The following LGALS3BP variants were observed in gnomAD, a reference collection of about 807,000 sequenced individuals.
LGALS3BP encodes the protein galectin 3 binding protein.
LGALS3BP carries 25 observed loss-of-function variants against 22.9 expected under a neutral mutation model. That is an observed-to-expected ratio of 1.09 (90% confidence interval 0.80 to 1.53). LGALS3BP has a LOEUF of 1.53. Among genes scored for constraint, LGALS3BP ranks in the 40% most tolerant of loss-of-function variants. The pLI, the probability that LGALS3BP is intolerant of heterozygous loss-of-function variation, is 0.00. For missense variants in LGALS3BP, 718 were observed against 752.0 expected, an observed-to-expected ratio of 0.95 and a Z score of 0.53; for synonymous variants, 335 against 331.1, an observed-to-expected ratio of 1.01 and a Z score of -0.13.
rs1174585705 is a variant in LGALS3BP, at chr17:78,973,224, T to C, written c.377-2A>G. On this transcript the variant is annotated splice_acceptor_variant, in intron 4 of 5. Transcript: ENST00000262776. LOFTEE classifies it high-confidence loss of function. This position sits in a 1 kb window ranked among gnomAD's most constrained non-coding sequence, Gnocchi z 5.8. ...CCAGGGTGTGGGTGCTCCTGGTTTC[T>C]AAGAAGGGGCGGGAGGGAAGTGGGC... 2.0e-6 allele frequency: 3 copies of C among 1,527,374 alleles called. No individual in the cohort carries two copies. Among genetic ancestry groups the C allele is most frequent in the Non-Finnish European group, 2.6e-6 (3 of 1,134,964 alleles). The allele number at this position is 1,527,374 out of a possible 1,614,324, so 94.6% of individuals were successfully genotyped here.
In LGALS3BP at chr17:78,976,918, G is replaced by T; in HGVS notation, c.52+222C>A. 1 of 586,050 alleles carries T rather than the reference G, an allele frequency of 1.7e-6. No individual in the cohort carries two copies. The allele number at this position is 586,050 out of a possible 1,614,324, so 36.3% of individuals were successfully genotyped here. On this transcript the variant is annotated intron_variant, in intron 2 of 5. Transcript: ENST00000262776. The surrounding 1 kb of genome is among the most constrained non-coding windows in gnomAD (Gnocchi z 4.6). ...TGGACGGAATGGAGGATTCCCTAGT[G>T]TCCTCTCTATAACCTGCATCTCACC...
In LGALS3BP at chr17:78,972,496, G is replaced by C. The variant is rs766454763; in HGVS notation, c.838C>G (p.Leu280Val). 4 of 1,613,186 alleles carry C rather than the reference G, an allele frequency of 2.5e-6. No individual in the cohort carries two copies. In the South Asian group the frequency reaches 4.4e-5, roughly 18 times the overall value. The change falls in exon 6 of 6, where the codon CTA becomes GTA. Residue 280 changes from leucine to valine, a missense_variant. Coordinates refer to ENST00000262776, the MANE Select transcript of LGALS3BP (RefSeq NM_005567.4). The surrounding 1 kb of genome is among the most constrained non-coding windows in gnomAD (Gnocchi z 5.1). ...TCGAAGTTCCAGGCCAGGAACTGTA[G>C]GCAGAGCTTCTCCAGCAGGGCGTCC... ...TGDALLEKLCLQFLAWNFEAL... is the reference protein window; with the variant it reads ...TGDALLEKLCVQFLAWNFEAL...
Position 78,972,931 on chromosome 17 carries a change from C to A in LGALS3BP, c.629+39G>T, listed in dbSNP as rs1263698548. The A allele has an allele frequency of 6.4e-7, 1 of 1,572,680 alleles. No homozygotes were observed. Among genetic ancestry groups the A allele is most frequent in the Non-Finnish European group, 8.6e-7 (1 of 1,156,998 alleles). On this transcript the variant is annotated intron_variant, in intron 5 of 5. Transcript: ENST00000262776. The surrounding 1 kb of genome is among the most constrained non-coding windows in gnomAD (Gnocchi z 5.1). ...TTTTGAAGAGGGGAGGAGGACAAAG[C>A]CCCTGGCGGCCCCAGAGCCTGAGGA...
At chr17:78,975,178 T>C in intron 3 of LGALS3BP, among the ~76,000 whole-genome samples, 1 of 149,772 alleles carries the variant, frequency 6.7e-6, no homozygotes, top group Non-Finnish European at 1.5e-5. Context: ...CAACATCAGG[T>C]TCACATATTG....
chr17:78,976,453 G>C lies in LGALS3BP; in HGVS notation c.53-297C>G, dbSNP rs984605235. ...TGAGTTCTCCAGCACTGGGAGTGGAGGTGGCAAGACCCTGAGGGAAGGATA... is the reference window on the plus strand; with the variant it reads ...TGAGTTCTCCAGCACTGGGAGTGGACGTGGCAAGACCCTGAGGGAAGGATA... On this transcript the variant is annotated intron_variant, in intron 2 of 5. Transcript: ENST00000262776. The surrounding 1 kb of genome is among the most constrained non-coding windows in gnomAD (Gnocchi z 4.6). Among the ~76,000 whole-genome samples, 2 of 152,226 alleles carry C rather than the reference G, an allele frequency of 1.3e-5. No individual in the cohort carries two copies. Among genetic ancestry groups the C allele is most frequent in the Non-Finnish European group, 2.9e-5 (2 of 68,038 alleles).
Position 78,971,818 on chromosome 17 carries a change from G to A in LGALS3BP, c.1516C>T (p.Leu506Phe), listed in dbSNP as rs771107067. 3.0e-5 allele frequency: 48 copies of A among 1,614,140 alleles called. No homozygotes were observed. The highest frequency in any genetic ancestry group is 3.3e-4 in the Middle Eastern group (2 of 6,058). ...CSSDELPVLG[L>F]TKSGGSDRTI... is the part of the protein sequence containing the mutation. ...CGATCTGAGCCGCCAGACTTGGTGA[G>A]GCCCAGGACAGGGAGCTCGTCCGAG... Residue 506 changes from leucine to phenylalanine, a missense_variant, in exon 6 of 6, where the codon CTC (leucine) becomes TTC (phenylalanine). Transcript: ENST00000262776. The surrounding 1 kb of genome is among the most constrained non-coding windows in gnomAD (Gnocchi z 5.6).
intron 1 of LGALS3BP, among the ~76,000 whole-genome samples, chr17:78,978,018 C>T (rs374053956): frequency 3.3e-5 from 5 of 152,304 alleles, no homozygotes; most frequent in South Asian, 4.1e-4. Context: ...CTCCCTCCCC[C>T]ACACCCTGCC....
chr17:78,973,050 C>A lies in LGALS3BP; in HGVS notation c.549G>T (p.Gln183His), dbSNP rs761121182. ...TGCTGCCCGGCTCCTTCCACAGGGCCTGGGCCTCCAGGTTGGCAGTCAGGA... is the reference window on the plus strand; with the variant it reads ...TGCTGCCCGGCTCCTTCCACAGGGCATGGGCCTCCAGGTTGGCAGTCAGGA... ...TVILTANLEA[Q>H]ALWKEPGSNV... Residue 183 changes from glutamine to histidine, a missense_variant, in exon 5 of 6, where the codon CAG (glutamine) becomes CAT (histidine). By Grantham distance (24) the Gln-to-His change is conservative. Transcript: ENST00000262776. This position sits in a 1 kb window ranked among gnomAD's most constrained non-coding sequence, Gnocchi z 5.8. 1 of 1,613,926 alleles carries A rather than the reference C, an allele frequency of 6.2e-7. No homozygotes were observed. The highest frequency in any genetic ancestry group is 8.5e-7 in the Non-Finnish European group (1 of 1,179,996).
At position 78,973,380 on chromosome 17, in the gene LGALS3BP, G is replaced by A. The variant is rs368142783; in HGVS notation, c.377-158C>T. On this transcript the variant is annotated intron_variant, in intron 4 of 5. Transcript: ENST00000262776. The surrounding 1 kb of genome is among the most constrained non-coding windows in gnomAD (Gnocchi z 5.8). Reference sequence around the variant, plus strand: ...AGGGACAAGAGAGACCGGAAGTGTCGGATTCCTGGACCCTGAGGCCCCGCC... The same window carrying A: ...AGGGACAAGAGAGACCGGAAGTGTCAGATTCCTGGACCCTGAGGCCCCGCC... 6.6e-5 allele frequency: 59 copies of A among 897,978 alleles called. No individual in the cohort carries two copies. The highest frequency in any genetic ancestry group is 3.5e-4 in the Middle Eastern group (1 of 2,844). 55.6% of individuals were successfully genotyped at this position (897,978 alleles called of 1,614,324 possible).
At position 78,976,266 on chromosome 17, in the gene LGALS3BP, G is replaced by A; in HGVS notation, c.53-110C>T. 1 of 979,674 alleles carries A rather than the reference G, an allele frequency of 1.0e-6. No homozygotes were observed. The highest frequency in any genetic ancestry group is 1.5e-6 in the Non-Finnish European group (1 of 686,388). The allele number at this position is 979,674 out of a possible 1,614,324, so 60.7% of individuals were successfully genotyped here. A position where few individuals can be genotyped will look rare whatever the true frequency, so the allele number is the denominator to read the frequency against. ...CTCCCCTGCTGAGCTTGTATTTCAG[G>A]GCTTCAAGGTCCCCTGGCCTCTCCA... is the stretch of plus-strand genomic sequence containing the variant. On this transcript the variant is annotated intron_variant, in intron 2 of 5. Coordinates refer to ENST00000262776, the MANE Select transcript of LGALS3BP (RefSeq NM_005567.4). This position sits in a 1 kb window ranked among gnomAD's most constrained non-coding sequence, Gnocchi z 4.6.
chr17:78,972,089 A>G lies in LGALS3BP; in HGVS notation c.1245T>C (p.Ser415=). The change falls in exon 6 of 6, where the codon AGT becomes AGC. Residue 415 remains serine (S), a synonymous_variant. Transcript: ENST00000262776. This position sits in a 1 kb window ranked among gnomAD's most constrained non-coding sequence, Gnocchi z 5.1. ...TCCAGGAACTGTCTGTCACAAAGGC[A>G]CTCCAGGTGGGCGAGGTGTAAATCC... ...KPRIYTSPTW[S]AFVTDSSWSA... is the part of the protein sequence containing the mutation. The G allele has an allele frequency of 6.2e-7, 1 of 1,613,182 alleles. No individual in the cohort carries two copies. The highest frequency in any genetic ancestry group is 8.5e-7 in the Non-Finnish European group (1 of 1,179,406).
At chr17:78,977,313 G>A in intron 1 of LGALS3BP, 99 bp from the exon 2 acceptor site, 1 of 941,318 alleles carries the variant, frequency 1.1e-6, no homozygotes, top group Non-Finnish European at 1.6e-6. Context: ...AACCTGGGCT[G>A]TGTGGCAGGC....
Position 78,973,297 on chromosome 17 carries a change from T to A in LGALS3BP, c.377-75A>T, listed in dbSNP as rs767711077. 1 of 1,416,870 alleles carries A rather than the reference T, an allele frequency of 7.1e-7. No individual in the cohort carries two copies. The highest frequency in any genetic ancestry group is 9.3e-7 in the Non-Finnish European group (1 of 1,080,440). The allele number at this position is 1,416,870 out of a possible 1,614,324, so 87.8% of individuals were successfully genotyped here. A position where few individuals can be genotyped will look rare whatever the true frequency, so the allele number is the denominator to read the frequency against. The stretch of plus-strand genomic sequence containing the variant: ...CCACTCTCTGGGGTCAGTGTCTTCA[T>A]CTGAAAGTGAGGGATTTGTGGCTGC... On this transcript the variant is annotated intron_variant, in intron 4 of 5. Transcript: ENST00000262776. The surrounding 1 kb of genome is among the most constrained non-coding windows in gnomAD (Gnocchi z 5.8).
Position 78,972,909 on chromosome 17 carries a change from T to C in LGALS3BP, c.629+61A>G. ...GTGTGTGTGTGGGGGGCTGTGCTTT[T>C]GAAGAGGGGAGGAGGACAAAGCCCC... On this transcript the variant is annotated intron_variant, in intron 5 of 5. Coordinates refer to ENST00000262776, the MANE Select transcript of LGALS3BP (RefSeq NM_005567.4). The surrounding 1 kb of genome is among the most constrained non-coding windows in gnomAD (Gnocchi z 5.1). 2 of 1,549,728 alleles carry C rather than the reference T, an allele frequency of 1.3e-6. No individual in the cohort carries two copies.
chr17:78,979,182 G>GC (rs2070744710), intron 1 of LGALS3BP, among the ~76,000 whole-genome samples: 1 of 152,198 alleles, frequency 6.6e-6, no homozygotes, highest in African/African-American at 2.4e-5. Context: ...GCCTGTGTTG[G>GC]CCCCTTCGTG....
At position 78,971,556 on chromosome 17, in the gene LGALS3BP, C is replaced by T. The variant is rs1201282648; in HGVS notation, c.*20G>A. 1.9e-6 allele frequency: 3 copies of T among 1,597,544 alleles called. No homozygotes were observed. The highest frequency in any genetic ancestry group is 2.7e-5 in the African/African-American group (2 of 74,420). ...GCGTCCTGGGGTTCTCCGGTTCTCACCACCCTTGGGCCACGCCGTCTAGTC... is the reference window on the plus strand; with the variant it reads ...GCGTCCTGGGGTTCTCCGGTTCTCATCACCCTTGGGCCACGCCGTCTAGTC... On this transcript the variant is annotated 3_prime_UTR_variant, in exon 6 of 6. Transcript: ENST00000262776. The surrounding 1 kb of genome is among the most constrained non-coding windows in gnomAD (Gnocchi z 5.6).
intron 1 of LGALS3BP, among the ~76,000 whole-genome samples, chr17:78,977,941 C>T (rs538462726): frequency 1.3e-5 from 2 of 152,270 alleles, no homozygotes; most frequent in East Asian, 1.9e-4. Context: ...TGGGGAGGTC[C>T]GGGTCTCCAC....
In LGALS3BP at chr17:78,971,648, C is replaced by A. The variant is rs61741345; in HGVS notation, c.1686G>T (p.Pro562=). Residue 562 remains proline, a synonymous_variant, in exon 6 of 6, where the codon CCG becomes CCT. Transcript: ENST00000262776. This position sits in a 1 kb window ranked among gnomAD's most constrained non-coding sequence, Gnocchi z 5.6. Reference sequence around the variant, plus strand: ...TGCGGAAGCCGTTGAAGTGCCCTGCCGGGCAGGGGAAGGAGGAGGTGCTCT... The same window carrying A: ...TGCGGAAGCCGTTGAAGTGCCCTGCAGGGCAGGGGAAGGAGGAGGTGCTCT... ...SSKSTSSFPC[P]AGHFNGFRTV... is the part of the protein sequence containing the mutation. The A allele has an allele frequency of 6.2e-7, 1 of 1,613,712 alleles. No individual in the cohort carries two copies.
rs371927877 is a variant in LGALS3BP at position 78,973,996 on chromosome 17, G to A, written c.376+692C>T. On this transcript the variant is annotated intron_variant, in intron 4 of 5. Transcript: ENST00000262776. The surrounding 1 kb of genome is among the most constrained non-coding windows in gnomAD (Gnocchi z 5.8). ...CTCCCCGCCGCCTCCCCTGGCCCCC[G>A]ACAGCCCCATGGCGTCTCCTGGGCT... 6.6e-6 allele frequency among the ~76,000 whole-genome samples: 1 copy of A among 152,194 alleles called. No homozygotes were observed. Among genetic ancestry groups the A allele is most frequent in the South Asian group, 2.1e-4 (1 of 4,836 alleles).
Sources: allele counts gnomAD v4.1 joint callset (sites outside exome capture counted in the v4.1 genomes callset), GRCh38; gene constraint gnomAD v4.1.1; non-coding constraint Gnocchi (gnomAD v3.1); transcripts MANE v1.5; gene names NCBI Gene and HGNC (gene_info 2026-07-23, HGNC 2026-07-21).